Variants in ATG5 observed in about 807,000 individuals in gnomAD.
The protein encoded by ATG5 is autophagy protein 5.
ATG5 carries 14 observed loss-of-function variants against 36.5 expected under a neutral mutation model. The ratio of observed to expected loss-of-function variants is 0.38; its 90% CI spans 0.25 to 0.60. The LOEUF (loss-of-function observed/expected upper bound fraction) is 0.60. Ranked by LOEUF, ATG5 falls within the 20% of genes least tolerant of loss-of-function variation. ATG5 has a pLI of 0.60. For missense variants in ATG5, 195 were observed against 326.7 expected, an observed-to-expected ratio of 0.60 and a Z score of 3.11; for synonymous variants, 95 against 101.5, an observed-to-expected ratio of 0.94 and a Z score of 0.38.
chr6:106,258,159 C>T (rs536016795), intron 5 of ATG5, among the ~76,000 whole-genome samples: 5 of 121,092 alleles, frequency 4.1e-5, no homozygotes, highest in African/African-American at 6.2e-5. Flanking sequence ...TCTCCTCAAA[C>T]GGCAGAGATG....
At chr6:106,250,737 T>C (rs1426454258) in intron 5 of ATG5, among the ~76,000 whole-genome samples, 1 of 152,244 alleles carries the variant, frequency 6.6e-6, no homozygotes, top group Non-Finnish European at 1.5e-5. Flanking sequence ...GCATAGTATG[T>C]GCTCTTGAAT....
intron 7 of ATG5, among the ~76,000 whole-genome samples, chr6:106,195,210 C>CA (rs1248185821): frequency 6.6e-6 from 1 of 152,216 alleles, no homozygotes; most frequent in Non-Finnish European, 1.5e-5. Flanking sequence ...TGAAATCAGA[C>CA]AAAATTCTTT....
intron 6 of ATG5, among the ~76,000 whole-genome samples, chr6:106,206,190 G>A (rs1325589767): frequency 6.7e-6 from 1 of 148,204 alleles, no homozygotes; most frequent in Non-Finnish European, 1.5e-5. Flanking sequence ...CTCAAGAATG[G>A]GATCAATGCT....
intron 6 of ATG5, among the ~76,000 whole-genome samples, chr6:106,222,575 C>A (rs1406112056): frequency 6.6e-6 from 1 of 151,980 alleles, no homozygotes; most frequent in Non-Finnish European, 1.5e-5. Context: ...TAATAAGAAG[C>A]CTGATGTGTG....
chr6:106,213,667 T>C (rs1402497126), intron 6 of ATG5, among the ~76,000 whole-genome samples: 1 of 152,134 alleles, frequency 6.6e-6, no homozygotes. Context: ...GAGCTTGGAA[T>C]GTCAAATGTA....
intron 6 of ATG5, among the ~76,000 whole-genome samples, chr6:106,223,131 ATC>A (rs1204659648): frequency 1.7e-4 from 26 of 152,302 alleles, no homozygotes; most frequent in Admixed American, 1.2e-3. Flanking sequence ...CCATCAGATG[ATC>A]TGTTATTTTG....
At chr6:106,218,709 A>ACGTCAGAATTGTCCCAAGCTGATT (rs1777132613) in intron 6 of ATG5, among the ~76,000 whole-genome samples, 1 of 152,202 alleles carries the variant, frequency 6.6e-6, no homozygotes. Flanking sequence ...ACATAAGCAG[A>ACGTCAGAATTGTCCCAAGCTGATT]CGTCAGAATT....
chr6:106,271,283 A>G (rs765502523), intron 5 of ATG5, among the ~76,000 whole-genome samples: 1 of 152,174 alleles, frequency 6.6e-6, no homozygotes, highest in Admixed American at 6.5e-5. Context: ...ACATCCCCCT[A>G]TAATTCATGT....
chr6:106,309,164 T>C (rs1770555948), intron 2 of ATG5, among the ~76,000 whole-genome samples: 1 of 152,218 alleles, frequency 6.6e-6, no homozygotes, highest in African/African-American at 2.4e-5. Flanking sequence ...AGCCATTTCT[T>C]GCTTTCCTAA....
chr6:106,293,890 TA>T (rs1384153986), intron 3 of ATG5, among the ~76,000 whole-genome samples: 3 of 152,160 alleles, frequency 2.0e-5, no homozygotes, highest in Non-Finnish European at 4.4e-5. Context: ...CTTACTTGGT[TA>T]ATCAGAATTA....
intron 5 of ATG5, among the ~76,000 whole-genome samples, chr6:106,260,901 C>T (rs1778993171): frequency 6.6e-6 from 1 of 152,172 alleles, no homozygotes; most frequent in Non-Finnish European, 1.5e-5. Context: ...CATAAAATGT[C>T]ACAGGGGTCA....
At chr6:106,227,808 C>T (rs1777505165) in intron 6 of ATG5, among the ~76,000 whole-genome samples, 1 of 152,134 alleles carries the variant, frequency 6.6e-6, no homozygotes, top group Non-Finnish European at 1.5e-5. Context: ...GCTATGAGCA[C>T]AAACTGATGA....
intron 5 of ATG5, among the ~76,000 whole-genome samples, chr6:106,268,308 CA>C (rs772774070): frequency 1.2e-4 from 18 of 152,066 alleles, no homozygotes; most frequent in Non-Finnish European, 4.4e-5. Context: ...TAGAGAAATG[CA>C]AATCAAAACC....
chr6:106,258,245 A>G (rs1778875386), intron 5 of ATG5, among the ~76,000 whole-genome samples: 1 of 149,974 alleles, frequency 6.7e-6, no homozygotes, highest in African/African-American at 2.5e-5. Flanking sequence ...GGTGTATGCC[A>G]GTAGTACCAG....
At chr6:106,189,311 TAAAAG>T (rs1009797554) in intron 7 of ATG5, among the ~76,000 whole-genome samples, 1 of 151,906 alleles carries the variant, frequency 6.6e-6, no homozygotes, top group African/African-American at 2.4e-5. Flanking sequence ...TCAAAACCAA[TAAAAG>T]AAAACAGGCC....
chr6:106,217,719 A>G lies in ATG5; in HGVS notation c.574-15630T>C, dbSNP rs1302221481. 7 of 152,182 alleles carry G rather than the reference A, an allele frequency of 4.6e-5. No individual in the cohort carries two copies. The East Asian group carries it at 1.3e-3, about 29-fold the overall frequency. The allele number at this position is 152,182 out of a possible 1,614,324, so 9.4% of individuals were successfully genotyped here. On this transcript the variant is annotated intron_variant, in intron 6 of 7. Coordinates refer to ENST00000369076, the MANE Select transcript of ATG5 (RefSeq NM_004849.4). ...AATCCAGGTCAGAGTTTATAGTTCT[A>G]TTTCACTATTACTTATATGGCTTGT...
chr6:106,243,318 CTTTAT>C (rs1778198329), intron 6 of ATG5, among the ~76,000 whole-genome samples: 1 of 152,158 alleles, frequency 6.6e-6, no homozygotes, highest in Non-Finnish European at 1.5e-5. Context: ...TCAAATTCTA[CTTTAT>C]TTTACTTTTT....
intron 6 of ATG5, among the ~76,000 whole-genome samples, chr6:106,234,492 A>T (rs996158813): frequency 1.2e-4 from 19 of 152,296 alleles, no homozygotes; most frequent in Middle Eastern, 3.4e-3. Context: ...AAATTTAGCA[A>T]TACTGTAGAC....
At position 106,279,842 on chromosome 6, in the gene ATG5, T is replaced by C. The variant is rs1463187497; in HGVS notation, c.316-19A>G. 11 of 1,450,744 alleles carry C rather than the reference T, an allele frequency of 7.6e-6. No homozygotes were observed. Among genetic ancestry groups the C allele is most frequent in the Middle Eastern group, 1.9e-4 (1 of 5,136 alleles). The allele number at this position is 1,450,744 out of a possible 1,614,324, so 89.9% of individuals were successfully genotyped here. ...GAAAACTCTATCAAAGGAAAAAATATACATATAAAACAGGATACACACATT... is the reference window on the plus strand; with the variant it reads ...GAAAACTCTATCAAAGGAAAAAATACACATATAAAACAGGATACACACATT... On this transcript the variant is annotated intron_variant, in intron 4 of 7. Transcript: ENST00000369076.
Sources: allele counts gnomAD v4.1 joint callset (sites outside exome capture counted in the v4.1 genomes callset), GRCh38; gene constraint gnomAD v4.1.1; transcripts MANE v1.5; gene names NCBI Gene and HGNC (gene_info 2026-07-23, HGNC 2026-07-21).